CYFIP1: variants seen among roughly 807,000 people sequenced by gnomAD.
CYFIP1 encodes cytoplasmic FMR1-interacting protein 1.
CYFIP1 carries 58 observed loss-of-function variants against 163.5 expected under a neutral mutation model. The observed-to-expected ratio is 0.35, with a 90% CI of 0.29 to 0.44. CYFIP1 has a LOEUF of 0.44. CYFIP1 is among the 20% of genes least tolerant of loss of function. CYFIP1 has a pLI of 1.00. For missense variants in CYFIP1, 1,338 were observed against 1,653.8 expected (o/e 0.81, Z 3.31); for synonymous variants, 663 against 660.7 (o/e 1.00, Z -0.05).
intron 1 of CYFIP1, among the ~76,000 whole-genome samples, 182 bp downstream of exon 1, chr15:22,980,097 CGGGACCTG>C (rs1465350131): frequency 8.3e-6 from 1 of 120,052 alleles, no homozygotes; most frequent in African/African-American, 3.1e-5. Context: ...AGCCCGGGGC[CGGGACCTG>C]GGGGACGCGG....
intron 23 of CYFIP1, among the ~76,000 whole-genome samples, chr15:22,891,649 G>A (rs113967800): frequency 2.0e-3 from 305 of 152,312 alleles, no homozygotes; most frequent in African/African-American, 7.0e-3. Context: ...GACGGGCAGC[G>A]TATGCCGAGG....
chr15:22,905,834 A>G (rs1356495471), intron 21 of CYFIP1, among the ~76,000 whole-genome samples: 9 of 150,412 alleles, frequency 6.0e-5, no homozygotes, highest in Admixed American at 4.6e-4. Flanking sequence ...ATCTCGGCTC[A>G]CTGCAACCTC....
chr15:22,912,085 A>G, intron 18 of CYFIP1, 94 bp downstream of exon 18: 1 of 1,181,278 alleles, frequency 8.5e-7, no homozygotes, highest in Non-Finnish European at 1.2e-6. Flanking sequence ...ACTGTCTTAT[A>G]TTTTAAAGAA....
At chr15:22,895,702 C>G (rs2060216745) in intron 22 of CYFIP1, among the ~76,000 whole-genome samples, 1 of 152,198 alleles carries the variant, frequency 6.6e-6, no homozygotes, top group East Asian at 1.9e-4. Flanking sequence ...GGCTGTGTGC[C>G]TGGTGAACTC....
intron 22 of CYFIP1, among the ~76,000 whole-genome samples, chr15:22,897,488 T>TG (rs1446794203): frequency 2.7e-5 from 4 of 146,010 alleles, no homozygotes; most frequent in Non-Finnish European, 6.0e-5. Context: ...GTTTTTTTTT[T>TG]TTGTTTGTGT....
At chr15:22,951,822 G>A (rs1035263172) in intron 1 of CYFIP1, among the ~76,000 whole-genome samples, 9 of 152,190 alleles carry the variant, frequency 5.9e-5, no homozygotes, top group Non-Finnish European at 1.3e-4. Context: ...AGACAGGCTC[G>A]GGGGAGAACT....
At chr15:22,966,232 T>TAATCCCAGCTACACACTGA (rs2062899557) in intron 1 of CYFIP1, among the ~76,000 whole-genome samples, 1 of 151,336 alleles carries the variant, frequency 6.6e-6, no homozygotes, top group African/African-American at 2.4e-5. Flanking sequence ...CGTGGGCCTG[T>TAATCCCAGCTACACACTGA]AATCCCAGCT....
At chr15:22,937,031 A>G in intron 9 of CYFIP1, 73 bp downstream of exon 9, 1 of 997,578 alleles carries the variant, frequency 1.0e-6, no homozygotes, top group East Asian at 2.5e-5. Context: ...ACAGTCACAC[A>G]GGGGCTCACT....
chr15:22,939,024 G>T (rs1204182057), intron 8 of CYFIP1, among the ~76,000 whole-genome samples, 168 bp downstream of exon 8: 43 of 151,132 alleles, frequency 2.8e-4, no homozygotes, highest in Non-Finnish European at 1.5e-5. Context: ...CATGGGGTGT[G>T]TTGAGAGCCT....
At chr15:22,897,596 G>A (rs1000047677) in intron 22 of CYFIP1, among the ~76,000 whole-genome samples, 2 of 151,558 alleles carry the variant, frequency 1.3e-5, no homozygotes, top group Non-Finnish European at 2.9e-5. Flanking sequence ...TGATCCTCCC[G>A]CCTCAGCCTC....
intron 23 of CYFIP1, among the ~76,000 whole-genome samples, chr15:22,887,187 T>C (rs2059948482): frequency 6.6e-6 from 1 of 152,200 alleles, no homozygotes; most frequent in African/African-American, 2.4e-5. Flanking sequence ...CTCTGAGTTA[T>C]GTGAGTCCTT....
At chr15:22,975,514 GGAGGCA>G (rs1281157487) in intron 1 of CYFIP1, among the ~76,000 whole-genome samples, 3 of 151,588 alleles carry the variant, frequency 2.0e-5, no homozygotes, top group African/African-American at 7.3e-5. Flanking sequence ...CAGCACTCTG[GGAGGCA>G]GAGGCAGAGG....
chr15:22,914,425 CT>C (rs112433925), intron 17 of CYFIP1, among the ~76,000 whole-genome samples: 336 of 144,956 alleles, frequency 2.3e-3, no homozygotes, highest in Middle Eastern at 6.9e-3. Flanking sequence ...CATGATTTCT[CT>C]TTTTTTTTTT....
intron 9 of CYFIP1, 58 bp downstream of exon 9, chr15:22,937,046 C>G: frequency 1.6e-6 from 2 of 1,265,916 alleles, no homozygotes; most frequent in Non-Finnish European, 2.3e-6. Flanking sequence ...CTCACTTCCC[C>G]AAAATTCAAA....
intron 22 of CYFIP1, among the ~76,000 whole-genome samples, chr15:22,899,345 G>A (rs1474058524): frequency 1.3e-5 from 2 of 152,180 alleles, no homozygotes; most frequent in African/African-American, 2.4e-5. Context: ...TAACTATATA[G>A]AAATAAACAT....
At chr15:22,953,220 C>G (rs958122957) in intron 1 of CYFIP1, among the ~76,000 whole-genome samples, 8 of 152,210 alleles carry the variant, frequency 5.3e-5, no homozygotes, top group Non-Finnish European at 1.2e-4. Flanking sequence ...GGCCTGGGTG[C>G]CACCTACAGA....
intron 1 of CYFIP1, 128 bp from the exon 2 acceptor site, chr15:22,947,419 G>C: frequency 7.5e-7 from 1 of 1,329,948 alleles, no homozygotes; most frequent in South Asian, 1.4e-5. Context: ...TGGCTGACAG[G>C]GGCATGATCA....
intron 28 of CYFIP1, among the ~76,000 whole-genome samples, chr15:22,873,990 T>G (rs2059508993): frequency 6.6e-6 from 1 of 152,204 alleles, no homozygotes; most frequent in African/African-American, 2.4e-5. Flanking sequence ...ACTCCTGTCT[T>G]GGCCTCCCAA....
chr15:22,940,738 C>A (rs561208762), intron 6 of CYFIP1, among the ~76,000 whole-genome samples: 1 of 152,222 alleles, frequency 6.6e-6, no homozygotes, highest in Non-Finnish European at 1.5e-5. Context: ...ACATTCCTTG[C>A]CTTTTTAAAC....
Sources: gnomAD v4.1 joint callset for allele counts (sites outside exome capture counted in the v4.1 genomes callset) on GRCh38, gnomAD v4.1.1 for gene constraint, MANE v1.5 for transcripts, NCBI Gene and HGNC (gene_info 2026-07-23, HGNC 2026-07-21) for gene names.